ZMYM1: variants seen among roughly 807,000 people sequenced by gnomAD.
ZMYM1 encodes zinc finger MYM-type protein 1.
A neutral mutation model predicts 60.0 loss-of-function variants in ZMYM1; 39 were observed. The observed-to-expected ratio is 0.65, with a 90% CI of 0.50 to 0.85. The LOEUF is 0.85. Ranked by LOEUF, ZMYM1 falls within the 40% of genes least tolerant of loss-of-function variation. The pLI is 0.00. For missense variants in ZMYM1, 1,171 were observed against 1,309.5 expected (o/e 0.89, Z 1.63); for synonymous variants, 413 against 454.0 (o/e 0.91, Z 1.15).
chr1:35,093,202 C>G (rs1643124062), intron 1 of ZMYM1: 1 of 152,382 alleles, frequency 6.6e-6, no homozygotes, highest in Admixed American at 6.5e-5. Flanking sequence ...GGAAGAGGAA[C>G]TGAAGAAGCA....
chr1:35,090,968 A>T (rs939794150), intron 1 of ZMYM1, among the ~76,000 whole-genome samples: 1 of 152,056 alleles, frequency 6.6e-6, no homozygotes, highest in African/African-American at 2.4e-5. Flanking sequence ...AGACTTAATT[A>T]AAAGGTAGAT....
At chr1:35,097,252 A>G in intron 3 of ZMYM1, 65 bp from the exon 4 acceptor site, 1 of 1,503,482 alleles carries the variant, frequency 6.7e-7, no homozygotes, top group Non-Finnish European at 8.9e-7. Context: ...GAAAGAAAAT[A>G]AAGGAATGCC....
At position 35,095,490 on chromosome 1, in the gene ZMYM1, CA is replaced by C. The variant is rs1348381288; in HGVS notation, c.97-319del. ...TGGGTGACAGAGTGAGATCTTGTCT[CA>C]AAAAAAAAAGAAAAAAAAAAAAAAA... is the stretch of plus-strand genomic sequence containing the variant. On this transcript the variant is annotated intron_variant, in intron 2 of 9. Coordinates refer to ENST00000359858, the MANE Select transcript of ZMYM1 (RefSeq NM_024772.5). Among the ~76,000 whole-genome samples, 241 of 60,550 alleles carry C rather than the reference CA, an allele frequency of 4.0e-3. 1 individual carries two copies. The Middle Eastern group carries it at 0.042, about 10-fold the overall frequency. The allele number at this position is 60,550 out of a possible 152,430, so 39.7% of individuals were successfully genotyped here.
At chr1:35,097,944 C>T (rs970628541) in intron 4 of ZMYM1, among the ~76,000 whole-genome samples, 4 of 152,230 alleles carry the variant, frequency 2.6e-5, no homozygotes, top group South Asian at 2.1e-4. Context: ...TCACTGCGCC[C>T]GGCCATTTTC....
chr1:35,076,744 C>A (rs573314478), upstream of ZMYM1, among the ~76,000 whole-genome samples: 11 of 151,900 alleles, frequency 7.2e-5, 1 homozygote, highest in South Asian at 2.1e-3. Flanking sequence ...ACTGGACTGG[C>A]CAACATGGCG....
chr1:35,078,039 T>G (rs1642199600), upstream of ZMYM1, among the ~76,000 whole-genome samples: 1 of 152,188 alleles, frequency 6.6e-6, no homozygotes, highest in African/African-American at 2.4e-5. Flanking sequence ...CAAATTACCT[T>G]TATCCTCTTG....
intron 1 of ZMYM1, among the ~76,000 whole-genome samples, chr1:35,081,605 A>G (rs935446592): frequency 1.1e-4 from 17 of 152,302 alleles, no homozygotes; most frequent in East Asian, 1.9e-4. Context: ...AATAGCTTTC[A>G]TTAGATTTAT....
In ZMYM1 at chr1:35,068,639, C is replaced by CAA. The variant is rs765098508; in HGVS notation, c.-301+8724_-301+8725dup. On this transcript the variant is annotated intron_variant, in intron 1 of 10. Transcript: ENST00000417119. Reference sequence around the variant, plus strand: ...GTTGGAACAACTGGAAATCCATACGCAAAAAAAAAAATATATATATATATA... The same window carrying CAA: ...GTTGGAACAACTGGAAATCCATACGCAAAAAAAAAAAAATATATATATATATA... Among the ~76,000 whole-genome samples, 228 of 137,836 alleles carry CAA rather than the reference C, an allele frequency of 1.7e-3. 3 individuals are homozygous for CAA. The South Asian group carries it at 0.019, about 12-fold the overall frequency. The allele number at this position is 137,836 out of a possible 152,430, so 90.4% of individuals were successfully genotyped here. A position where few individuals can be genotyped will look rare whatever the true frequency, so the allele number is the denominator to read the frequency against.
chr1:35,088,968 C>T (rs576069709), intron 1 of ZMYM1, among the ~76,000 whole-genome samples: 4 of 151,756 alleles, frequency 2.6e-5, no homozygotes, highest in African/African-American at 4.8e-5. Context: ...CCCACCACCA[C>T]GCCCGGCTAA....
chr1:35,062,637 A>G (rs11263986), intron 1 of ZMYM1, among the ~76,000 whole-genome samples: 30,574 of 152,192 alleles, frequency 0.2, 7,070 homozygotes, highest in African/African-American at 0.55. Flanking sequence ...TGCCATTTAA[A>G]GCCTTAAATT....
chr1:35,068,650 AT>A (rs201468185), intron 1 of ZMYM1, among the ~76,000 whole-genome samples: 79 of 141,580 alleles, frequency 5.6e-4, no homozygotes, highest in Middle Eastern at 7.1e-3. Flanking sequence ...AAAAAAAAAA[AT>A]ATATATATAT....
intron 1 of ZMYM1, among the ~76,000 whole-genome samples, chr1:35,080,756 T>C (rs926381567): frequency 1.3e-5 from 2 of 152,020 alleles, no homozygotes; most frequent in Admixed American, 1.3e-4. Context: ...GTACCTTGTA[T>C]ATACTTACTG....
At chr1:35,096,553 A>G (rs1283777162) in intron 3 of ZMYM1, among the ~76,000 whole-genome samples, 11 of 143,314 alleles carry the variant, frequency 7.7e-5, no homozygotes, top group Non-Finnish European at 1.5e-4. Context: ...TTTTTCTGAG[A>G]TGGAGTTTCC....
At chr1:35,080,753 G>T (rs1642344545) in intron 1 of ZMYM1, among the ~76,000 whole-genome samples, 1 of 151,848 alleles carries the variant, frequency 6.6e-6, no homozygotes, top group African/African-American at 2.4e-5. Context: ...TCAGTACCTT[G>T]TATATACTTA....
intron 1 of ZMYM1, among the ~76,000 whole-genome samples, chr1:35,093,701 C>A (rs1034124418): frequency 7.2e-5 from 11 of 152,062 alleles, no homozygotes; most frequent in African/African-American, 2.4e-4. Flanking sequence ...GAGACTATTT[C>A]CAGAAGAAGG....
At chr1:35,093,690 G>A (rs1329171205) in intron 1 of ZMYM1, among the ~76,000 whole-genome samples, 3 of 152,100 alleles carry the variant, frequency 2.0e-5, no homozygotes, top group African/African-American at 4.8e-5. Flanking sequence ...GAACAGAAAC[G>A]GAGACTATTT....
downstream of ZMYM1, among the ~76,000 whole-genome samples, chr1:35,117,040 T>TA (rs1246267954): frequency 6.7e-6 from 1 of 149,282 alleles, no homozygotes; most frequent in East Asian, 2.0e-4. Flanking sequence ...AGACGGGGTT[T>TA]CACCGTGGTC....
intron 1 of ZMYM1, among the ~76,000 whole-genome samples, chr1:35,086,692 T>G (rs939315011): frequency 3.9e-5 from 6 of 152,040 alleles, no homozygotes; most frequent in African/African-American, 1.4e-4. Context: ...TTCTTTTTTT[T>G]TCTTTTGAGA....
intron 9 of ZMYM1, among the ~76,000 whole-genome samples, chr1:35,112,637 G>A (rs899001074): frequency 3.4e-5 from 5 of 145,126 alleles, no homozygotes; most frequent in African/African-American, 1.3e-4. Context: ...TATGTATTAT[G>A]TATTCATATA....
Sources: gnomAD v4.1 joint callset for allele counts (sites outside exome capture counted in the v4.1 genomes callset) on GRCh38, gnomAD v4.1.1 for gene constraint, MANE v1.5 for transcripts, NCBI Gene and HGNC (gene_info 2026-07-23, HGNC 2026-07-21) for gene names.